WDR1: variants seen among roughly 807,000 people sequenced by gnomAD.
WDR1 encodes WD repeat-containing protein 1.
WDR1 carries 21 observed loss-of-function variants against 71.9 expected under a neutral mutation model. That is an observed-to-expected ratio of 0.29 (90% CI 0.21 to 0.42). WDR1 has a LOEUF of 0.42. Ranked by LOEUF, WDR1 falls within the 10% of genes least tolerant of loss-of-function variation. The pLI is 1.00. For synonymous variants in WDR1, 424 were observed against 347.4 expected, an observed-to-expected ratio of 1.22 and a Z score of -2.45; for missense variants, 696 against 824.5, an observed-to-expected ratio of 0.84 and a Z score of 1.91.
chr4:10,080,599 G>A (rs191164785), intron 11 of WDR1, among the ~76,000 whole-genome samples: 3 of 152,362 alleles, frequency 2.0e-5, no homozygotes, highest in Non-Finnish European at 2.9e-5. Flanking sequence ...AGCAGGGCTC[G>A]CCACTCGTGC....
At chr4:10,114,847 A>G (rs1713612574) in intron 2 of WDR1, among the ~76,000 whole-genome samples, 1 of 152,188 alleles carries the variant, frequency 6.6e-6, no homozygotes. Flanking sequence ...GGGCCCAGCA[A>G]TCCAGGGCAG....
At chr4:10,086,548 C>T (rs1284295489) in intron 8 of WDR1, among the ~76,000 whole-genome samples, 1 of 150,716 alleles carries the variant, frequency 6.6e-6, no homozygotes, top group Non-Finnish European at 1.5e-5. Flanking sequence ...CTCCTAGAAG[C>T]CGTGGTGTGA....
Position 10,081,374 on chromosome 4 carries a change from C to T in WDR1, c.1267G>A (p.Val423Ile), listed in dbSNP as rs762812961. 1 of 1,613,954 alleles carries T rather than the reference C, an allele frequency of 6.2e-7. No homozygotes were observed. The highest frequency in any genetic ancestry group is 8.5e-7 in the Non-Finnish European group (1 of 1,179,874). The change falls in exon 11 of 15, where the codon GTC becomes ATC. Residue 423 changes from valine (V) to isoleucine (I), a missense_variant. Val to Ile is a conservative substitution (Grantham distance 29). Coordinates refer to ENST00000499869, the MANE Select transcript of WDR1 (RefSeq NM_017491.5). ...VAVGPGGYAV[V>I]VCIGQIVLLK... ...GTCCCTACCTGTCCAATGCACACGA[C>T]CACGGCGTATCCCCCGGGGCCGACG...
In WDR1 at chr4:10,074,395, G is replaced by A. The variant is rs951855911; in HGVS notation, c.*983C>T. ...GCTAATCTCTTAAAGCGCTCAAAGT[G>A]TTTTCACAAGTGCAAGGGGAGGGAT... On this transcript the variant is annotated 3_prime_UTR_variant, in exon 15 of 15. Coordinates refer to ENST00000499869, the MANE Select transcript of WDR1 (RefSeq NM_017491.5). 6.6e-6 allele frequency: 1 copy of A among 152,530 alleles called. No homozygotes were observed. The highest frequency in any genetic ancestry group is 2.4e-5 in the African/African-American group (1 of 41,430). 9.4% of individuals were successfully genotyped at this position (152,530 alleles called of 1,614,324 possible).
intron 5 of WDR1, chr4:10,092,786 G>A: frequency 3.2e-6 from 1 of 313,778 alleles, no homozygotes; most frequent in South Asian, 2.5e-5. Flanking sequence ...GAGGGATTGG[G>A]GAACCTCCCG....
chr4:10,099,171 AGGCGG>A, intron 3 of WDR1, 32 bp from the exon 4 acceptor site: 16 of 109,740 alleles, frequency 1.5e-4, no homozygotes, highest in Non-Finnish European at 2.4e-4. Context: ...GGAGGGGGGG[AGGCGG>A]TGGTGGGGTA....
intron 10 of WDR1, among the ~76,000 whole-genome samples, chr4:10,081,839 A>C (rs548885405): frequency 1.3e-5 from 2 of 152,334 alleles, no homozygotes; most frequent in South Asian, 4.1e-4. Context: ...ATGGATGGGT[A>C]ACTTTTAAGA....
At position 10,097,872 on chromosome 4, in the gene WDR1, A is replaced by G. The variant is rs2109676568; in HGVS notation, c.397T>C (p.Trp133Arg). The change falls in exon 5 of 15, where the codon TGG becomes CGG. Residue 133 changes from tryptophan (W) to arginine (R), a missense_variant. Trp to Arg is a moderately radical substitution (Grantham distance 101). Coordinates refer to ENST00000499869, the MANE Select transcript of WDR1 (RefSeq NM_017491.5). ...TCGCCCACAGAAGAGCCACTATCCCAGAGGAAGACTGCTCCAAACCTTGAC... is the reference window on the plus strand; with the variant it reads ...TCGCCCACAGAAGAGCCACTATCCCGGAGGAAGACTGCTCCAAACCTTGAC... ...GREKFGAVFLWDSGSSVGEIT... is the reference protein window; with the variant it reads ...GREKFGAVFLRDSGSSVGEIT... The G allele has an allele frequency of 6.2e-7, 1 of 1,606,254 alleles. No homozygotes were observed. The highest frequency in any genetic ancestry group is 8.5e-7 in the Non-Finnish European group (1 of 1,175,190).
chr4:10,098,190 A>C (rs2241482), intron 4 of WDR1, among the ~76,000 whole-genome samples: 20 of 151,848 alleles, frequency 1.3e-4, no homozygotes, highest in Non-Finnish European at 2.8e-4. Flanking sequence ...CAGCTTCACC[A>C]TTCTCCTTAC....
Position 10,097,899 on chromosome 4 carries a change from C to CA in WDR1, c.378-9dup. 6.6e-7 allele frequency: 1 copy of CA among 1,504,988 alleles called. No individual in the cohort carries two copies. The highest frequency in any genetic ancestry group is 8.9e-7 in the Non-Finnish European group (1 of 1,119,860). The allele number at this position is 1,504,988 out of a possible 1,614,324, so 93.2% of individuals were successfully genotyped here. A position where few individuals can be genotyped will look rare whatever the true frequency, so the allele number is the denominator to read the frequency against. On this transcript the variant is annotated splice_polypyrimidine_tract_variant and intron_variant, in intron 4 of 14. Transcript: ENST00000499869. ...AGGAAGACTGCTCCAAACCTTGACC[C>CA]AATGACACAGGTGGAAGACAAAAAA... is the stretch of plus-strand genomic sequence containing the variant.
chr4:10,091,411 CA>C (rs1405664051), intron 5 of WDR1: 1 of 152,246 alleles, frequency 6.6e-6, no homozygotes, highest in Non-Finnish European at 1.5e-5. Context: ...GATGGGGCTC[CA>C]GGGCCCTCCA....
intron 8 of WDR1, among the ~76,000 whole-genome samples, chr4:10,085,385 G>A (rs1353636704): frequency 1.3e-5 from 2 of 152,220 alleles, no homozygotes; most frequent in African/African-American, 2.4e-5. Context: ...TGGAGAATGG[G>A]CAACGAATGC....
In WDR1 at chr4:10,105,401, T is replaced by C. The variant is rs561621762; in HGVS notation, c.139-1415A>G. Among the ~76,000 whole-genome samples the C allele has an allele frequency of 6.6e-5, 10 of 152,216 alleles. No homozygotes were observed. In the East Asian group the frequency reaches 7.7e-4, roughly 12 times the overall value. On this transcript the variant is annotated intron_variant, in intron 2 of 14. Transcript: ENST00000499869. ...AGACTTAACACAGCATTATGTGATA[T>C]AATAGACACCAGTCATAAATTAATC...
rs143797462 is a variant in WDR1, at chr4:10,075,658, C to T, written c.1715-174G>A. 1.4e-3 allele frequency: 918 copies of T among 641,152 alleles called. 2 individuals are homozygous for T. The highest frequency in any genetic ancestry group is 2.1e-3 in the Non-Finnish European group (751 of 358,456). 39.7% of individuals were successfully genotyped at this position (641,152 alleles called of 1,614,324 possible). A position where few individuals can be genotyped will look rare whatever the true frequency, so the allele number is the denominator to read the frequency against. Reference sequence around the variant, plus strand: ...GGTGGCAGTGTGGCTGAATTCTCCACGTGACACTCCTGAACCCCGGGGCCG... The same window carrying T: ...GGTGGCAGTGTGGCTGAATTCTCCATGTGACACTCCTGAACCCCGGGGCCG... On this transcript the variant is annotated intron_variant, in intron 14 of 14. Transcript: ENST00000499869.
In WDR1 at chr4:10,081,414, C is replaced by T. The variant is rs772063787; in HGVS notation, c.1227G>A (p.Gln409=). ...CGGGGCCGACGGCTACGCACTTTGG[C>T]TGAACGTCCAGTTTCACAACTCCTT... ...SGQGVVKLDV[Q]PKCVAVGPGG... The change falls in exon 11 of 15, where the codon CAG becomes CAA. Residue 409 remains glutamine (Q), a synonymous_variant. Coordinates refer to ENST00000499869, the MANE Select transcript of WDR1 (RefSeq NM_017491.5). 5.0e-6 allele frequency: 8 copies of T among 1,613,796 alleles called. No individual in the cohort carries two copies. The African/African-American group carries it at 1.1e-4, about 22-fold the overall frequency.
intron 9 of WDR1, 21 bp from the exon 10 acceptor site, chr4:10,083,199 AG>A (rs1765082484): frequency 6.2e-7 from 1 of 1,609,200 alleles, no homozygotes; most frequent in African/African-American, 1.3e-5. Flanking sequence ...GTTAAGGAAA[AG>A]CCCGGCTCCC....
At position 10,081,393 on chromosome 4, in the gene WDR1, G is replaced by A. The variant is rs1164597900; in HGVS notation, c.1248C>T (p.Gly416=). ...LDVQPKCVAV[G]PGGYAVVVCI... ...ACACGACCACGGCGTATCCCCCGGG[G>A]CCGACGGCTACGCACTTTGGCTGAA... Residue 416 remains glycine (G), a synonymous_variant, in exon 11 of 15, where the codon GGC becomes GGT. Coordinates refer to ENST00000499869, the MANE Select transcript of WDR1 (RefSeq NM_017491.5). 1.2e-6 allele frequency: 2 copies of A among 1,613,932 alleles called. No homozygotes were observed. Among genetic ancestry groups the A allele is most frequent in the South Asian group, 1.1e-5 (1 of 91,074 alleles).
intron 2 of WDR1, among the ~76,000 whole-genome samples, chr4:10,104,746 G>A (rs1398392121): frequency 6.6e-6 from 1 of 152,184 alleles, no homozygotes; most frequent in Admixed American, 6.5e-5. Context: ...TGTCTCCACA[G>A]TGAAGCTTTC....
rs1332460006 is a variant in WDR1, at chr4:10,088,549, G to T, written c.636+115C>A. The T allele has an allele frequency of 7.0e-6, 8 of 1,144,756 alleles. No homozygotes were observed. The Admixed American group carries it at 9.9e-5, about 14-fold the overall frequency. 70.9% of individuals were successfully genotyped at this position (1,144,756 alleles called of 1,614,324 possible). On this transcript the variant is annotated intron_variant, in intron 6 of 14. Transcript: ENST00000499869. Reference sequence around the variant, plus strand: ...ACGACGAGTCTGCAGATGTGGGGAGGGCGATGTCTAAGTTCTGCATGTCAG... The same window carrying T: ...ACGACGAGTCTGCAGATGTGGGGAGTGCGATGTCTAAGTTCTGCATGTCAG...
Sources: allele counts gnomAD v4.1 joint callset (sites outside exome capture counted in the v4.1 genomes callset), GRCh38; gene constraint gnomAD v4.1.1; transcripts MANE v1.5; gene names NCBI Gene and HGNC (gene_info 2026-07-23, HGNC 2026-07-21).